Variants in KCNB2 observed in about 807,000 individuals in gnomAD.
The protein encoded by KCNB2 is delayed rectifier potassium channel protein.
Under a neutral mutation model 61.5 loss-of-function variants are expected in KCNB2, and 15 were observed. The observed-to-expected ratio is 0.24, with a 90% CI of 0.16 to 0.38. The LOEUF (loss-of-function observed/expected upper bound fraction) is 0.38. KCNB2 is among the 10% of genes least tolerant of loss of function. The pLI is 1.00. For synonymous variants in KCNB2, 457 were observed against 446.0 expected (o/e 1.02, Z -0.31); for missense variants, 828 against 1,125.2 (o/e 0.74, Z 3.78).
chr8:72,574,511 A>G (rs1031578468), intron 2 of KCNB2, among the ~76,000 whole-genome samples: 1 of 152,212 alleles, frequency 6.6e-6, no homozygotes, highest in East Asian at 1.9e-4. Flanking sequence ...GAAAAAGTAA[A>G]TTACCCAAGA....
At chr8:72,842,519 C>T (rs2129002706) in intron 2 of KCNB2, among the ~76,000 whole-genome samples, 1 of 152,278 alleles carries the variant, frequency 6.6e-6, no homozygotes, top group South Asian at 2.1e-4. Flanking sequence ...GTACCAGCTC[C>T]TCTTTGTACC....
At chr8:72,704,100 A>C (rs1271884155) in intron 2 of KCNB2, among the ~76,000 whole-genome samples, 1 of 152,208 alleles carries the variant, frequency 6.6e-6, no homozygotes, top group African/African-American at 2.4e-5. Flanking sequence ...GTCAGTGACC[A>C]TGAAAAACAG....
At chr8:72,736,280 A>AT (rs1464006244) in intron 2 of KCNB2, among the ~76,000 whole-genome samples, 3 of 152,052 alleles carry the variant, frequency 2.0e-5, no homozygotes, top group Non-Finnish European at 4.4e-5. Flanking sequence ...TAAAAAAAAA[A>AT]GCTTGAAATC....
At chr8:72,629,285 G>A (rs1805842184) in intron 2 of KCNB2, among the ~76,000 whole-genome samples, 1 of 152,170 alleles carries the variant, frequency 6.6e-6, no homozygotes, top group Non-Finnish European at 1.5e-5. Context: ...TGATTGAGAG[G>A]CACTGATGTC....
At chr8:72,619,465 T>G (rs943922554) in intron 2 of KCNB2, 1 of 274,012 alleles carries the variant, frequency 3.6e-6, no homozygotes, top group Non-Finnish European at 7.2e-6. Flanking sequence ...CTCTAATTCG[T>G]AGGTTCACCT....
intron 2 of KCNB2, among the ~76,000 whole-genome samples, chr8:72,902,675 G>A (rs1430859650): frequency 6.6e-6 from 1 of 152,116 alleles, no homozygotes; most frequent in Non-Finnish European, 1.5e-5. Context: ...ACAACTGAAT[G>A]AGTAATCCAA....
intron 2 of KCNB2, among the ~76,000 whole-genome samples, chr8:72,829,698 C>T (rs1022647387): frequency 6.6e-6 from 1 of 152,098 alleles, no homozygotes; most frequent in South Asian, 2.1e-4. Flanking sequence ...CTAAATTGCA[C>T]TTTCTTTTTA....
intron 2 of KCNB2, among the ~76,000 whole-genome samples, chr8:72,720,152 C>A (rs774680012): frequency 6.6e-6 from 1 of 152,152 alleles, no homozygotes; most frequent in Non-Finnish European, 1.5e-5. Context: ...AGCTGTTAGC[C>A]ACTGAACTCC....
At chr8:72,589,656 C>A (rs1434058927) in intron 2 of KCNB2, among the ~76,000 whole-genome samples, 1 of 152,170 alleles carries the variant, frequency 6.6e-6, no homozygotes, top group African/African-American at 2.4e-5. Flanking sequence ...TATTTTTAAA[C>A]TGAGTTTTAG....
At chr8:72,904,192 G>A (rs1337821081) in intron 2 of KCNB2, among the ~76,000 whole-genome samples, 1 of 151,994 alleles carries the variant, frequency 6.6e-6, no homozygotes, top group African/African-American at 2.4e-5. Context: ...TCATCAATGT[G>A]CTTACAGATA....
intron 2 of KCNB2, among the ~76,000 whole-genome samples, chr8:72,870,973 T>C (rs1054865504): frequency 1.3e-5 from 2 of 152,146 alleles, no homozygotes; most frequent in African/African-American, 4.8e-5. Context: ...TAAGACCTTT[T>C]CTCAAGGGGG....
At chr8:72,626,436 T>C (rs1805790776) in intron 2 of KCNB2, among the ~76,000 whole-genome samples, 2 of 152,252 alleles carry the variant, frequency 1.3e-5, no homozygotes, top group South Asian at 4.1e-4. Flanking sequence ...GCAGCTTATA[T>C]GTGCAATGTG....
intron 2 of KCNB2, among the ~76,000 whole-genome samples, chr8:72,773,896 G>A (rs139972425): frequency 8.2e-4 from 125 of 152,186 alleles, no homozygotes; most frequent in African/African-American, 2.9e-3. Context: ...ATAATAATTA[G>A]TGAGAAATTC....
intron 2 of KCNB2, among the ~76,000 whole-genome samples, chr8:72,897,971 G>T (rs1196659675): frequency 6.6e-6 from 1 of 152,130 alleles, no homozygotes; most frequent in African/African-American, 2.4e-5. Flanking sequence ...AAGCCTGTGA[G>T]CTTCAAAGGC....
At chr8:72,710,450 C>T (rs1201492461) in intron 2 of KCNB2, among the ~76,000 whole-genome samples, 1 of 151,468 alleles carries the variant, frequency 6.6e-6, no homozygotes, top group East Asian at 1.9e-4. Flanking sequence ...AGTTATCGTG[C>T]ATGCTCTGCA....
At chr8:72,666,064 A>AT (rs761256071) in intron 2 of KCNB2, among the ~76,000 whole-genome samples, 122 of 151,774 alleles carry the variant, frequency 8.0e-4, no homozygotes, top group Non-Finnish European at 1.4e-3. Flanking sequence ...CCATGTGTCT[A>AT]TTTTTTTTTA....
intron 2 of KCNB2, among the ~76,000 whole-genome samples, chr8:72,716,270 C>A (rs1807438567): frequency 6.6e-6 from 1 of 152,024 alleles, no homozygotes; most frequent in African/African-American, 2.4e-5. Flanking sequence ...TGAAACTATT[C>A]CAATCAATAG....
chr8:72,700,544 T>C (rs975881928), intron 2 of KCNB2, among the ~76,000 whole-genome samples: 1 of 151,796 alleles, frequency 6.6e-6, no homozygotes, highest in African/African-American at 2.4e-5. Flanking sequence ...GTCAAAAAAA[T>C]AAACAAATGA....
At chr8:72,709,485 G>C (rs1489700577) in intron 2 of KCNB2, among the ~76,000 whole-genome samples, 1 of 151,698 alleles carries the variant, frequency 6.6e-6, no homozygotes, top group African/African-American at 2.4e-5. Flanking sequence ...TTGGCTTCTA[G>C]GGAGGCCTAG....
Sources: gnomAD v4.1 joint callset for allele counts (sites outside exome capture counted in the v4.1 genomes callset) on GRCh38, gnomAD v4.1.1 for gene constraint, MANE v1.5 for transcripts, NCBI Gene and HGNC (gene_info 2026-07-23, HGNC 2026-07-21) for gene names.